CPNE3: variants seen among roughly 807,000 people sequenced by gnomAD.
The protein encoded by CPNE3 is copine-3.
CPNE3 carries 68 observed loss-of-function variants against 63.9 expected under a neutral mutation model. The observed-to-expected ratio is 1.06, with a 90% CI of 0.87 to 1.30. The LOEUF (loss-of-function observed/expected upper bound fraction) is 1.30, where lower values mean the gene tolerates loss of function less well. CPNE3 is among the 50% of genes most tolerant of loss of function. The pLI, the probability that CPNE3 is intolerant of heterozygous loss-of-function variation, is 0.00. For synonymous variants in CPNE3, 219 were observed against 197.5 expected (o/e 1.11, Z -0.91); for missense variants, 665 against 578.1 (o/e 1.15, Z -1.54).
intron 15 of CPNE3, among the ~76,000 whole-genome samples, chr8:86,555,490 G>T (rs1821302612): frequency 6.6e-6 from 1 of 152,058 alleles, no homozygotes; most frequent in African/African-American, 2.4e-5. Flanking sequence ...ACAATGCCTG[G>T]GTCAGAGTAA....
intron 2 of CPNE3, among the ~76,000 whole-genome samples, chr8:86,519,352 T>C (rs1159660990): frequency 6.6e-6 from 1 of 152,256 alleles, no homozygotes; most frequent in Non-Finnish European, 1.5e-5. Context: ...ACCTACTTTT[T>C]ATTTTTGAAG....
intron 14 of CPNE3, among the ~76,000 whole-genome samples, chr8:86,554,594 C>T (rs574581065): frequency 1.3e-5 from 2 of 152,230 alleles, no homozygotes; most frequent in South Asian, 2.1e-4. Flanking sequence ...ACAGTCCTAC[C>T]GTAGACTAAT....
intron 14 of CPNE3, among the ~76,000 whole-genome samples, chr8:86,552,244 G>A (rs2131496230): frequency 1.3e-5 from 2 of 152,274 alleles, no homozygotes; most frequent in African/African-American, 4.8e-5. Context: ...TTCATAAGGT[G>A]GAAGAGCATG....
chr8:86,518,537 A>G (rs1295072432), intron 2 of CPNE3, among the ~76,000 whole-genome samples: 1 of 152,162 alleles, frequency 6.6e-6, no homozygotes, highest in Non-Finnish European at 1.5e-5. Flanking sequence ...CTTTGTAGAC[A>G]TGTATTTTAT....
chr8:86,552,507 T>C (rs1563700245), intron 14 of CPNE3, among the ~76,000 whole-genome samples: 1 of 152,208 alleles, frequency 6.6e-6, no homozygotes, highest in Non-Finnish European at 1.5e-5. Flanking sequence ...TGACATATCA[T>C]ATGATAATTC....
At chr8:86,548,044 C>CT (rs766055723) in intron 11 of CPNE3, among the ~76,000 whole-genome samples, 2 of 152,110 alleles carry the variant, frequency 1.3e-5, no homozygotes, top group Non-Finnish European at 2.9e-5. Flanking sequence ...GTGAGACAAC[C>CT]TTATAAAAGA....
chr8:86,522,999 TTCA>T (rs1471861411), intron 2 of CPNE3, among the ~76,000 whole-genome samples: 1 of 152,232 alleles, frequency 6.6e-6, no homozygotes, highest in Admixed American at 6.5e-5. Context: ...TCATTATTGT[TTCA>T]AGAAGCTTTT....
At chr8:86,551,704 C>T (rs761610120) in intron 14 of CPNE3, among the ~76,000 whole-genome samples, 7 of 152,200 alleles carry the variant, frequency 4.6e-5, no homozygotes, top group Non-Finnish European at 1.0e-4. Context: ...TTGTTGCTCA[C>T]ACAGTATTCT....
chr8:86,556,175 A>G lies in CPNE3; in HGVS notation c.1328A>G (p.Asn443Ser), dbSNP rs2131505961. ...DLDETRQAIV[N>S]ASRLPMSIII... ...GATGAAACCAGACAAGCTATAGTTA[A>G]TGCCTCCAGGCTGCCTATGTCCATC... The change falls in exon 16 of 17, where the codon AAT becomes AGT. Residue 443 changes from asparagine to serine, a missense_variant. Physicochemically the swap from Asn to Ser is conservative, Grantham distance 46. Transcript: ENST00000517490. 2 of 873,040 alleles carry G rather than the reference A, an allele frequency of 2.3e-6. No homozygotes were observed. The highest frequency in any genetic ancestry group is 4.8e-5 in the East Asian group (2 of 41,710). 54.1% of individuals were successfully genotyped at this position (873,040 alleles called of 1,614,324 possible).
intron 6 of CPNE3, among the ~76,000 whole-genome samples, chr8:86,533,038 A>ATCTG (rs1268806617): frequency 6.7e-6 from 1 of 149,872 alleles, no homozygotes. Context: ...CTATCTATCT[A>ATCTG]TCTATCTATC....
intron 8 of CPNE3, among the ~76,000 whole-genome samples, chr8:86,543,065 T>C (rs1046136022): frequency 3.9e-5 from 6 of 152,148 alleles, no homozygotes; most frequent in African/African-American, 1.4e-4. Flanking sequence ...CATGAACTTA[T>C]TAAAATATTA....
chr8:86,516,806 A>G (rs1820322767), intron 2 of CPNE3, among the ~76,000 whole-genome samples: 1 of 151,938 alleles, frequency 6.6e-6, no homozygotes, highest in Non-Finnish European at 1.5e-5. Flanking sequence ...CCTCCCTTTC[A>G]AATGTTCTTT....
At position 86,558,514 on chromosome 8, in the gene CPNE3, G is replaced by A; in HGVS notation, c.*104G>A. ...ACTTTTTACCCCCAGCATTTATGATGTAAATCTCTTTCTCTATGGATTATA... is the reference window on the plus strand; with the variant it reads ...ACTTTTTACCCCCAGCATTTATGATATAAATCTCTTTCTCTATGGATTATA... On this transcript the variant is annotated 3_prime_UTR_variant, in exon 17 of 17. Transcript: ENST00000517490. 1 of 811,088 alleles carries A rather than the reference G, an allele frequency of 1.2e-6. No individual in the cohort carries two copies. The highest frequency in any genetic ancestry group is 2.2e-6 in the Non-Finnish European group (1 of 457,856). 50.2% of individuals were successfully genotyped at this position (811,088 alleles called of 1,614,324 possible).
intron 2 of CPNE3, among the ~76,000 whole-genome samples, chr8:86,521,404 G>A (rs1458115278): frequency 6.6e-6 from 1 of 152,100 alleles, no homozygotes; most frequent in Non-Finnish European, 1.5e-5. Flanking sequence ...TATTAACCTT[G>A]TAATTTTAAA....
At chr8:86,551,345 A>G (rs1018264144) in intron 14 of CPNE3, 111 bp downstream of exon 14, 15 of 752,620 alleles carry the variant, frequency 2.0e-5, no homozygotes, top group Admixed American at 7.5e-5. Flanking sequence ...CTCAAATTTC[A>G]TCTCTAGGTT....
At chr8:86,546,501 G>A in intron 9 of CPNE3, 94 bp from the exon 10 acceptor site, 1 of 1,305,560 alleles carries the variant, frequency 7.7e-7, no homozygotes, top group Non-Finnish European at 1.1e-6. Context: ...TAGGTAGTTT[G>A]ATTCTAAAGG....
At chr8:86,551,739 G>C (rs1821184052) in intron 14 of CPNE3, among the ~76,000 whole-genome samples, 1 of 152,172 alleles carries the variant, frequency 6.6e-6, no homozygotes, top group African/African-American at 2.4e-5. Context: ...TGGGCAAAAG[G>C]AACAAAGAAT....
chr8:86,520,626 G>A (rs1354940421), intron 2 of CPNE3, among the ~76,000 whole-genome samples: 1 of 150,554 alleles, frequency 6.6e-6, no homozygotes, highest in Non-Finnish European at 1.5e-5. Flanking sequence ...CCAAATGCCT[G>A]CCATTGTGGT....
At chr8:86,525,309 G>T (rs897807081) in intron 2 of CPNE3, among the ~76,000 whole-genome samples, 3 of 152,182 alleles carry the variant, frequency 2.0e-5, no homozygotes, top group Non-Finnish European at 4.4e-5. Context: ...TGTGGATAAA[G>T]TATACTATTG....
Sources: allele counts gnomAD v4.1 joint callset (sites outside exome capture counted in the v4.1 genomes callset), GRCh38; gene constraint gnomAD v4.1.1; transcripts MANE v1.5; gene names NCBI Gene and HGNC (gene_info 2026-07-23, HGNC 2026-07-21).